Variants in PLCB1 observed in about 807,000 individuals in gnomAD.
The protein encoded by PLCB1 is 1-phosphatidylinositol 4,5-bisphosphate phosphodiesterase beta-1.
A neutral mutation model predicts 161.8 loss-of-function variants in PLCB1; 46 were observed. That is an observed-to-expected ratio of 0.28 (90% CI 0.22 to 0.36). The LOEUF (loss-of-function observed/expected upper bound fraction) is 0.36. Ranked by LOEUF, PLCB1 falls within the 10% of genes least tolerant of loss-of-function variation. The pLI is 1.00. For missense variants in PLCB1, 1,016 were observed against 1,472.5 expected (o/e 0.69, Z 5.07); for synonymous variants, 517 against 503.7 (o/e 1.03, Z -0.35).
chr20:8,396,784 T>C (rs1440249452), intron 3 of PLCB1, among the ~76,000 whole-genome samples: 2 of 152,080 alleles, frequency 1.3e-5, no homozygotes, highest in Non-Finnish European at 2.9e-5. Flanking sequence ...ACGTAACATA[T>C]TAAAGTTTTC....
intron 3 of PLCB1, among the ~76,000 whole-genome samples, chr20:8,469,592 C>T (rs2122711138): frequency 6.6e-6 from 1 of 151,944 alleles, no homozygotes; most frequent in East Asian, 1.9e-4. Context: ...ATATGTGTAC[C>T]CACAACCATT....
At chr20:8,788,807 T>A in intron 29 of PLCB1, 85 bp downstream of exon 29, 2 of 829,286 alleles carry the variant, frequency 2.4e-6, no homozygotes, top group South Asian at 1.7e-5. Context: ...TCATAACCAG[T>A]CAAAGACTCC....
intron 3 of PLCB1, among the ~76,000 whole-genome samples, chr20:8,558,114 G>A (rs1042041805): frequency 2.0e-5 from 3 of 151,688 alleles, no homozygotes; most frequent in African/African-American, 4.8e-5. Flanking sequence ...TAGCACAAGA[G>A]GGTGATTATA....
At chr20:8,177,395 T>A (rs746590573) in intron 2 of PLCB1, among the ~76,000 whole-genome samples, 15 of 152,156 alleles carry the variant, frequency 9.9e-5, no homozygotes, top group Non-Finnish European at 1.5e-4. Context: ...GTTGATAAAT[T>A]ACCCAGTCTA....
chr20:8,462,571 C>G (rs1456838506), intron 3 of PLCB1, among the ~76,000 whole-genome samples: 1 of 152,158 alleles, frequency 6.6e-6, no homozygotes. Flanking sequence ...AACTGTTTTG[C>G]AGCAAACCGA....
At chr20:8,308,425 T>C (rs1022835458) in intron 2 of PLCB1, among the ~76,000 whole-genome samples, 4 of 151,840 alleles carry the variant, frequency 2.6e-5, no homozygotes. Context: ...GAGACCAGCC[T>C]GGCCAACATG....
intron 9 of PLCB1, among the ~76,000 whole-genome samples, chr20:8,671,013 G>GA (rs1437336529): frequency 1.9e-4 from 29 of 152,330 alleles, no homozygotes; most frequent in African/African-American, 7.0e-4. Flanking sequence ...CATTAAGAGT[G>GA]AAGATTGAGC....
intron 3 of PLCB1, among the ~76,000 whole-genome samples, chr20:8,481,871 C>G (rs1303869138): frequency 1.3e-5 from 2 of 151,432 alleles, no homozygotes; most frequent in East Asian, 3.9e-4. Context: ...TTTTTTTTTC[C>G]CCAAGCTGGA....
intron 2 of PLCB1, among the ~76,000 whole-genome samples, chr20:8,348,320 G>A (rs766575131): frequency 4.6e-5 from 7 of 152,202 alleles, no homozygotes; most frequent in Non-Finnish European, 8.8e-5. Flanking sequence ...GAGGGACCTT[G>A]TGAGTAATTG....
In PLCB1 at chr20:8,274,021, G is replaced by A. The variant is rs567523789; in HGVS notation, c.178-97361G>A. ...ATATAGGAGAAAAAATCATCATACT[G>A]AAATTAGTAGAAGTGATGAATGGAG... On this transcript the variant is annotated intron_variant, in intron 2 of 31. Coordinates refer to ENST00000338037, the MANE Select transcript of PLCB1 (RefSeq NM_015192.4). Among the ~76,000 whole-genome samples the A allele has an allele frequency of 2.0e-5, 3 of 152,242 alleles. No individual in the cohort carries two copies. The East Asian group carries it at 5.8e-4, about 29-fold the overall frequency.
chr20:8,427,897 A>G (rs2719795), intron 3 of PLCB1, among the ~76,000 whole-genome samples: 105,925 of 152,010 alleles, frequency 0.7, 37,061 homozygotes, highest in Non-Finnish European at 0.72. Context: ...CAGTTGAGGG[A>G]AACTATATCT....
intron 3 of PLCB1, among the ~76,000 whole-genome samples, chr20:8,606,645 A>T (rs771072728): frequency 6.6e-6 from 1 of 152,172 alleles, no homozygotes; most frequent in Non-Finnish European, 1.5e-5. Flanking sequence ...GAGATGGCCT[A>T]TGTTGTCTGT....
chr20:8,484,506 G>A (rs568263242), intron 3 of PLCB1, among the ~76,000 whole-genome samples: 2 of 151,320 alleles, frequency 1.3e-5, no homozygotes, highest in Admixed American at 1.3e-4. Context: ...GACTACAGGC[G>A]CCCCCTCACC....
At chr20:8,511,379 A>G (rs1394595203) in intron 3 of PLCB1, among the ~76,000 whole-genome samples, 1 of 152,158 alleles carries the variant, frequency 6.6e-6, no homozygotes, top group Non-Finnish European at 1.5e-5. Flanking sequence ...TAACTGATGA[A>G]TGGAGATAAA....
chr20:8,143,513 C>T (rs1051327600), intron 1 of PLCB1, among the ~76,000 whole-genome samples: 1 of 152,146 alleles, frequency 6.6e-6, no homozygotes, highest in Admixed American at 6.5e-5. Flanking sequence ...ATTGCGGAGA[C>T]AGATGCTAAG....
At chr20:8,790,121 C>A in intron 30 of PLCB1, 54 bp from the exon 31 acceptor site, 1 of 1,241,932 alleles carries the variant, frequency 8.1e-7, no homozygotes, top group Non-Finnish European at 1.2e-6. Flanking sequence ...TTTCTGAAAA[C>A]GTGCACTTTT....
chr20:8,441,205 C>T (rs1232745), intron 3 of PLCB1, among the ~76,000 whole-genome samples: 53,795 of 151,982 alleles, frequency 0.35, 9,714 homozygotes, highest in South Asian at 0.49. Context: ...AAAGTAGTAA[C>T]ATTGTTTATT....
intron 4 of PLCB1, among the ~76,000 whole-genome samples, chr20:8,644,909 T>A (rs1258292311): frequency 6.6e-6 from 1 of 152,164 alleles, no homozygotes; most frequent in Non-Finnish European, 1.5e-5. Context: ...GGGAAAAGAT[T>A]GAGAAATCAG....
intron 27 of PLCB1, among the ~76,000 whole-genome samples, chr20:8,777,290 G>A (rs958817494): frequency 1.6e-4 from 24 of 152,152 alleles, no homozygotes; most frequent in African/African-American, 5.8e-4. Flanking sequence ...GTGCTTCCCA[G>A]TACGTTACGG....
Sources: allele counts gnomAD v4.1 joint callset (sites outside exome capture counted in the v4.1 genomes callset), GRCh38; gene constraint gnomAD v4.1.1; transcripts MANE v1.5; gene names NCBI Gene and HGNC (gene_info 2026-07-23, HGNC 2026-07-21).